RALYL: variants seen among roughly 807,000 people sequenced by gnomAD.
RALYL encodes RALY RNA binding protein like.
A neutral mutation model predicts 35.1 loss-of-function variants in RALYL; 29 were observed. The ratio of observed to expected loss-of-function variants is 0.83; its 90% CI spans 0.61 to 1.13. The LOEUF (loss-of-function observed/expected upper bound fraction) is 1.13. RALYL is among the 50% of genes most tolerant of loss of function. The pLI is 0.00. For missense variants in RALYL, 359 were observed against 360.4 expected, an observed-to-expected ratio of 1.00 and a Z score of 0.03; for synonymous variants, 120 against 127.6, an observed-to-expected ratio of 0.94 and a Z score of 0.40.
At chr8:84,257,862 A>G (rs905859346) in intron 1 of RALYL, among the ~76,000 whole-genome samples, 10 of 152,196 alleles carry the variant, frequency 6.6e-5, no homozygotes, top group African/African-American at 2.4e-4. Context: ...TGCTATTTAA[A>G]GAACAAATTA....
At chr8:84,542,855 AATTT>A (rs1416577868) in intron 2 of RALYL, among the ~76,000 whole-genome samples, 1 of 152,148 alleles carries the variant, frequency 6.6e-6, no homozygotes, top group Non-Finnish European at 1.5e-5. Flanking sequence ...TCATTTAATT[AATTT>A]GTTTGAATTG....
chr8:84,537,209 C>G (rs190655691), intron 2 of RALYL, among the ~76,000 whole-genome samples: 280 of 149,422 alleles, frequency 1.9e-3, no homozygotes, highest in Non-Finnish European at 2.9e-3. Context: ...GTGGCTCACA[C>G]CTATAATCTC....
intron 1 of RALYL, among the ~76,000 whole-genome samples, chr8:84,403,536 T>TTG (rs2043151422): frequency 7.5e-6 from 1 of 133,302 alleles, no homozygotes; most frequent in African/African-American, 3.2e-5. Context: ...TTTTTTTTTT[T>TTG]TTTTTTTTTT....
At chr8:84,425,980 G>C (rs888670547) in intron 1 of RALYL, among the ~76,000 whole-genome samples, 1 of 152,032 alleles carries the variant, frequency 6.6e-6, no homozygotes. Flanking sequence ...GAGAAGAATT[G>C]AGGATAACCG....
chr8:84,815,420 TTATTAAATA>T (rs1437773847), intron 4 of RALYL, among the ~76,000 whole-genome samples: 1 of 147,684 alleles, frequency 6.8e-6, no homozygotes, highest in Non-Finnish European at 1.5e-5. Flanking sequence ...ATTTATATAT[TTATTAAATA>T]TATTTAAATT....
chr8:84,243,038 G>A (rs13266356), intron 1 of RALYL, among the ~76,000 whole-genome samples: 85,641 of 151,924 alleles, frequency 0.56, 24,275 homozygotes, highest in South Asian at 0.65. Flanking sequence ...GAAGGGGTCC[G>A]GTTTCAATTT....
At chr8:84,760,736 C>G (rs1282800298) in intron 2 of RALYL, among the ~76,000 whole-genome samples, 3 of 151,894 alleles carry the variant, frequency 2.0e-5, no homozygotes, top group Non-Finnish European at 4.4e-5. Flanking sequence ...CAAATTTATT[C>G]TCATAAAAGC....
rs1433773870 is a variant in RALYL, at chr8:84,513,004, T to C, written c.-23-16295T>C. Among the ~76,000 whole-genome samples, 5 of 152,332 alleles carry C rather than the reference T, an allele frequency of 3.3e-5. No homozygotes were observed. The East Asian group carries it at 7.7e-4, about 23-fold the overall frequency. On this transcript the variant is annotated intron_variant, in intron 1 of 8. Transcript: ENST00000521268. ...CTTTTTCTCGGGTTTGCTTTGGCTA[T>C]CCAGGGTCTTCTTTTGGTTCCATAT...
intron 2 of RALYL, among the ~76,000 whole-genome samples, chr8:84,599,657 GA>G (rs934259783): frequency 2.0e-5 from 3 of 151,730 alleles, no homozygotes; most frequent in African/African-American, 4.8e-5. Flanking sequence ...TTGCTAATGA[GA>G]AAAAAATATT....
chr8:84,236,665 A>G (rs529825536), intron 1 of RALYL, among the ~76,000 whole-genome samples: 4 of 152,302 alleles, frequency 2.6e-5, no homozygotes, highest in African/African-American at 7.2e-5. Context: ...AGACACAGAC[A>G]TTGTAAGGGC....
intron 1 of RALYL, among the ~76,000 whole-genome samples, chr8:84,394,963 A>AATATATTTTTATTG (rs1174600425): frequency 6.6e-6 from 1 of 151,906 alleles, no homozygotes; most frequent in Non-Finnish European, 1.5e-5. Flanking sequence ...TTAAACACAA[A>AATATATTTTTATTG]ATATATTTTT....
chr8:84,565,551 G>A (rs1273310510), intron 2 of RALYL, among the ~76,000 whole-genome samples: 1 of 151,412 alleles, frequency 6.6e-6, no homozygotes, highest in Non-Finnish European at 1.5e-5. Flanking sequence ...TTGAAAAAAC[G>A]ATCTGCTTAA....
At chr8:84,308,078 G>A (rs1369204800) in intron 1 of RALYL, among the ~76,000 whole-genome samples, 4 of 143,300 alleles carry the variant, frequency 2.8e-5, no homozygotes, top group African/African-American at 1.0e-4. Context: ...CTAAACAAAA[G>A]CCACATATAA....
intron 2 of RALYL, among the ~76,000 whole-genome samples, chr8:84,552,582 T>TGGTTCATGGTGCTCCA (rs1160561309): frequency 1.3e-5 from 2 of 151,742 alleles, no homozygotes; most frequent in Non-Finnish European, 2.9e-5. Context: ...CTGATACTCC[T>TGGTTCATGGTGCTCCA]GGTTCATGGT....
In RALYL at chr8:84,608,670, A is replaced by G. The variant is rs1224192084; in HGVS notation, c.256+79093A>G. Among the ~76,000 whole-genome samples, 3 of 152,124 alleles carry G rather than the reference A, an allele frequency of 2.0e-5. No homozygotes were observed. In the East Asian group the frequency reaches 5.8e-4, roughly 29 times the overall value. On this transcript the variant is annotated intron_variant, in intron 2 of 8. Transcript: ENST00000521268. The stretch of plus-strand genomic sequence containing the variant: ...GATAAAGTGTGCCTATCCTAAATTC[A>G]TGGATTTCTAAGATTTTTATAGGAA...
chr8:84,266,689 T>C (rs2131878499), intron 1 of RALYL, among the ~76,000 whole-genome samples: 1 of 152,214 alleles, frequency 6.6e-6, no homozygotes, highest in South Asian at 2.1e-4. Context: ...TAAATTGATG[T>C]GAGAATCACG....
chr8:84,752,776 T>A (rs1403146566), intron 2 of RALYL, among the ~76,000 whole-genome samples: 1 of 152,130 alleles, frequency 6.6e-6, no homozygotes, highest in African/African-American at 2.4e-5. Flanking sequence ...AGCCTGCAGG[T>A]ACATGGAATA....
chr8:84,754,127 G>A (rs1810770999), intron 2 of RALYL, among the ~76,000 whole-genome samples: 1 of 152,014 alleles, frequency 6.6e-6, no homozygotes, highest in African/African-American at 2.4e-5. Flanking sequence ...TTGCTGCACA[G>A]AAGCTCTTTA....
In RALYL at chr8:84,420,302, A is replaced by G. The variant is rs1241274966; in HGVS notation, c.-23-108997A>G. Among the ~76,000 whole-genome samples the G allele has an allele frequency of 1.4e-4, 22 of 152,122 alleles. 1 individual carries two copies. Among genetic ancestry groups the G allele is most frequent in the Admixed American group, 5.9e-4 (9 of 15,270 alleles). On this transcript the variant is annotated intron_variant, in intron 1 of 8. Transcript: ENST00000521268. ...TGCATTTCTCTGATGGCCACTGATGATGAGCATTTTTTCATGTGTTTTTTG... is the reference window on the plus strand; with the variant it reads ...TGCATTTCTCTGATGGCCACTGATGGTGAGCATTTTTTCATGTGTTTTTTG...
Sources: gnomAD v4.1 joint callset for allele counts (sites outside exome capture counted in the v4.1 genomes callset) on GRCh38, gnomAD v4.1.1 for gene constraint, MANE v1.5 for transcripts, NCBI Gene and HGNC (gene_info 2026-07-23, HGNC 2026-07-21) for gene names.